Variants in YEATS2 observed in about 807,000 individuals in gnomAD.
The protein encoded by YEATS2 is YEATS domain containing 2, also known as YEATS domain-containing protein 2.
In YEATS2, 77 loss-of-function variants were observed where a neutral mutation model predicts 163.2. The observed-to-expected ratio is 0.47, with a 90% CI of 0.39 to 0.57. The LOEUF (loss-of-function observed/expected upper bound fraction) is 0.57, where lower values mean the gene tolerates loss of function less well. Ranked by LOEUF, YEATS2 falls within the 20% of genes least tolerant of loss-of-function variation. The pLI is 0.00. For synonymous variants in YEATS2, 631 were observed against 645.1 expected, an observed-to-expected ratio of 0.98 and a Z score of 0.33; for missense variants, 1,549 against 1,729.8, an observed-to-expected ratio of 0.90 and a Z score of 1.85.
At chr3:183,698,945 AAAG>A (rs1269626050) in intron 1 of YEATS2, among the ~76,000 whole-genome samples, 1 of 152,166 alleles carries the variant, frequency 6.6e-6, no homozygotes, top group African/African-American at 2.4e-5. Context: ...ATACTCTTTA[AAAG>A]ATAGGGCAGA....
At chr3:183,698,916 T>C (rs1577014794) in intron 1 of YEATS2, among the ~76,000 whole-genome samples, 1 of 152,202 alleles carries the variant, frequency 6.6e-6, no homozygotes, top group East Asian at 1.9e-4. Flanking sequence ...TACCCTTGGA[T>C]GTATATTCCT....
At chr3:183,754,939 A>G (rs1479332928) in intron 11 of YEATS2, among the ~76,000 whole-genome samples, 1 of 152,160 alleles carries the variant, frequency 6.6e-6, no homozygotes, top group East Asian at 1.9e-4. Context: ...TGACTGTTCC[A>G]CCTTAGAACA....
At chr3:183,720,120 A>T (rs760269092) in intron 4 of YEATS2, among the ~76,000 whole-genome samples, 4 of 152,188 alleles carry the variant, frequency 2.6e-5, no homozygotes, top group Non-Finnish European at 5.9e-5. Flanking sequence ...ATATTCTAGC[A>T]TATCAGCAGG....
At position 183,804,052 on chromosome 3, in the gene YEATS2, C is replaced by T. The variant is rs751137055; in HGVS notation, c.3648C>T (p.His1216=). The change falls in exon 27 of 31, where the codon CAC becomes CAT. Residue 1216 remains histidine (H), a synonymous_variant. Coordinates refer to ENST00000305135, the MANE Select transcript of YEATS2 (RefSeq NM_018023.5). ...QEILEKNPRF[H]HLTPLKTKHI... Reference sequence around the variant, plus strand: ...TCCTGGAGAAGAATCCGAGATTTCACCACCTGACTCCCCTCAAAACCAAGC... The same window carrying T: ...TCCTGGAGAAGAATCCGAGATTTCATCACCTGACTCCCCTCAAAACCAAGC... 3.1e-6 allele frequency: 5 copies of T among 1,614,092 alleles called. No individual in the cohort carries two copies. Among genetic ancestry groups the T allele is most frequent in the Non-Finnish European group, 3.4e-6 (4 of 1,180,016 alleles).
At chr3:183,802,339 T>G (rs535549290) in intron 25 of YEATS2, 2 of 152,774 alleles carry the variant, frequency 1.3e-5, no homozygotes, top group Non-Finnish European at 2.9e-5. Flanking sequence ...GACCACCTAC[T>G]TATTTTTTCC....
intron 15 of YEATS2, among the ~76,000 whole-genome samples, chr3:183,770,385 CAAAA>C (rs777581437): frequency 2.0e-5 from 3 of 151,526 alleles, no homozygotes; most frequent in Admixed American, 6.6e-5. Flanking sequence ...CAAAAAAAAA[CAAAA>C]AACAAAAAAA....
intron 23 of YEATS2, 96 bp downstream of exon 23, chr3:183,799,085 C>T (rs1468165923): frequency 2.2e-6 from 2 of 912,974 alleles, no homozygotes; most frequent in African/African-American, 3.3e-5. Context: ...TTATGCGGGA[C>T]ATTACCATAA....
At chr3:183,738,332 T>C (rs1054916568) in intron 8 of YEATS2, among the ~76,000 whole-genome samples, 1 of 148,920 alleles carries the variant, frequency 6.7e-6, no homozygotes, top group Non-Finnish European at 1.5e-5. Flanking sequence ...AAAGCCAAGA[T>C]AGGCTAAAAG....
At chr3:183,805,006 C>T (rs1387341907) in intron 27 of YEATS2, among the ~76,000 whole-genome samples, 1 of 149,684 alleles carries the variant, frequency 6.7e-6, no homozygotes, top group Admixed American at 6.6e-5. Flanking sequence ...AAACCACACA[C>T]ACAAAAAAAA....
In YEATS2 at chr3:183,758,978, C is replaced by G. The variant is rs375586621; in HGVS notation, c.1656+13C>G. 23 of 1,469,550 alleles carry G rather than the reference C, an allele frequency of 1.6e-5. No individual in the cohort carries two copies. The highest frequency in any genetic ancestry group is 7.2e-5 in the African/African-American group (5 of 69,724). The allele number at this position is 1,469,550 out of a possible 1,614,324, so 91.0% of individuals were successfully genotyped here. The stretch of plus-strand genomic sequence containing the variant: ...ATCTACTGTCAAGGTAACATTCTTA[C>G]TGCGTTATTACACTTTGCTAGCTTC... On this transcript the variant is annotated intron_variant, in intron 13 of 30. Transcript: ENST00000305135.
At chr3:183,782,121 T>C (rs1723623195) in intron 19 of YEATS2, among the ~76,000 whole-genome samples, 1 of 152,158 alleles carries the variant, frequency 6.6e-6, no homozygotes, top group African/African-American at 2.4e-5. Context: ...ATTTTTTAAT[T>C]TTTTTGAGAC....
rs1292872505 is a variant in YEATS2, at chr3:183,756,711, G to A, written c.1552+22G>A. The A allele has an allele frequency of 4.1e-6, 6 of 1,446,618 alleles. No individual in the cohort carries two copies. The East Asian group carries it at 1.6e-4, about 38-fold the overall frequency. The allele number at this position is 1,446,618 out of a possible 1,614,324, so 89.6% of individuals were successfully genotyped here. On this transcript the variant is annotated intron_variant, in intron 12 of 30. Coordinates refer to ENST00000305135, the MANE Select transcript of YEATS2 (RefSeq NM_018023.5). ...ACAGGTGTGTATTAGATCCATATTTGTACCATCTAAAGGGTTTGATCTTTA... is the reference window on the plus strand; with the variant it reads ...ACAGGTGTGTATTAGATCCATATTTATACCATCTAAAGGGTTTGATCTTTA...
In YEATS2 at chr3:183,758,978, C is replaced by T; in HGVS notation, c.1656+13C>T. 6.8e-7 allele frequency: 1 copy of T among 1,469,668 alleles called. No individual in the cohort carries two copies. The highest frequency in any genetic ancestry group is 9.3e-7 in the Non-Finnish European group (1 of 1,079,404). The allele number at this position is 1,469,668 out of a possible 1,614,324, so 91.0% of individuals were successfully genotyped here. On this transcript the variant is annotated intron_variant, in intron 13 of 30. Coordinates refer to ENST00000305135, the MANE Select transcript of YEATS2 (RefSeq NM_018023.5). ...ATCTACTGTCAAGGTAACATTCTTACTGCGTTATTACACTTTGCTAGCTTC... is the reference window on the plus strand; with the variant it reads ...ATCTACTGTCAAGGTAACATTCTTATTGCGTTATTACACTTTGCTAGCTTC...
intron 30 of YEATS2, 85 bp downstream of exon 30, chr3:183,809,255 C>A: frequency 1.5e-6 from 2 of 1,364,692 alleles, no homozygotes; most frequent in Admixed American, 1.7e-5. Context: ...TTTATACTTA[C>A]ATCAATCCAG....
chr3:183,765,959 A>G (rs191865547), intron 15 of YEATS2, among the ~76,000 whole-genome samples: 3 of 152,046 alleles, frequency 2.0e-5, no homozygotes, highest in East Asian at 3.9e-4. Context: ...AAAAAAAAAA[A>G]AGATATGCCA....
In YEATS2 at chr3:183,803,372, A is replaced by G. The variant is rs369044674; in HGVS notation, c.3582+37A>G. ...CTGCCTGTCCACTCTGGCTGCCTCC[A>G]GAAACCTTGTCTTATGGAACAGGGA... is the stretch of plus-strand genomic sequence containing the variant. On this transcript the variant is annotated intron_variant, in intron 26 of 30. Coordinates refer to ENST00000305135, the MANE Select transcript of YEATS2 (RefSeq NM_018023.5). 18 of 1,574,996 alleles carry G rather than the reference A, an allele frequency of 1.1e-5. No homozygotes were observed. The African/African-American group carries it at 2.2e-4, about 19-fold the overall frequency.
At chr3:183,712,280 G>A (rs961166343) in intron 1 of YEATS2, among the ~76,000 whole-genome samples, 9 of 138,682 alleles carry the variant, frequency 6.5e-5, no homozygotes, top group Admixed American at 4.1e-4. Context: ...GTACAATCTC[G>A]GCTCACTGCA....
At chr3:183,793,131 C>A (rs752665278) in intron 21 of YEATS2, 1 of 1,289,100 alleles carries the variant, frequency 7.8e-7, no homozygotes, top group South Asian at 1.2e-5. Flanking sequence ...TACCAGCCAG[C>A]ATACGGCTGG....
At chr3:183,729,262 ACT>A (rs1466172319) in intron 7 of YEATS2, among the ~76,000 whole-genome samples, 1 of 147,528 alleles carries the variant, frequency 6.8e-6, no homozygotes, top group Non-Finnish European at 1.5e-5. Context: ...ACAGAGCGAG[ACT>A]CTGTCTCAAA....
Sources: gnomAD v4.1 joint callset for allele counts (sites outside exome capture counted in the v4.1 genomes callset) on GRCh38, gnomAD v4.1.1 for gene constraint, MANE v1.5 for transcripts, NCBI Gene and HGNC (gene_info 2026-07-23, HGNC 2026-07-21) for gene names.